Variants in TANC2 observed in about 807,000 individuals in gnomAD.
TANC2 encodes protein TANC2.
A neutral mutation model predicts 210.5 loss-of-function variants in TANC2; 26 were observed. The observed-to-expected ratio is 0.12, with a 90% CI of 0.09 to 0.17. TANC2 has a LOEUF of 0.17. Ranked by LOEUF, TANC2 falls within the 10% of genes least tolerant of loss-of-function variation. The probability of loss-of-function intolerance (pLI) is 1.00; values close to 1 mark genes in which losing one functional copy is unlikely to be tolerated. For missense variants in TANC2, 2,129 were observed against 2,608.9 expected, an observed-to-expected ratio of 0.82 and a Z score of 4.01; for synonymous variants, 931 against 967.1, an observed-to-expected ratio of 0.96 and a Z score of 0.69.
chr17:63,002,226 G>C (rs2033418784), intron 1 of TANC2, among the ~76,000 whole-genome samples: 1 of 152,144 alleles, frequency 6.6e-6, no homozygotes, highest in East Asian at 1.9e-4. Context: ...ACCTCTCTAG[G>C]GTAGAAGTAG....
chr17:63,256,312 T>TGA (rs775757155), intron 8 of TANC2, among the ~76,000 whole-genome samples: 2 of 152,216 alleles, frequency 1.3e-5, no homozygotes, highest in Non-Finnish European at 2.9e-5. Context: ...CATTTTAATT[T>TGA]GTTTCAAGAA....
At chr17:63,384,406 G>C (rs1266006738) in intron 15 of TANC2, among the ~76,000 whole-genome samples, 1 of 152,026 alleles carries the variant, frequency 6.6e-6, no homozygotes, top group Non-Finnish European at 1.5e-5. Context: ...CTAAGTGGTT[G>C]TGAGGATTTA....
chr17:63,147,928 T>C (rs990378195), intron 4 of TANC2, among the ~76,000 whole-genome samples: 3 of 152,238 alleles, frequency 2.0e-5, no homozygotes, highest in African/African-American at 7.2e-5. Context: ...CAAATCATGC[T>C]GAATCTGTGA....
At chr17:63,151,300 G>T in exon 5 of TANC2, 1 of 985,606 alleles carries the variant, frequency 1.0e-6, no homozygotes. Context: ...TTTGTTGAGA[G>T]CCCACGAATT....
At chr17:63,220,724 A>G (rs1385828073) in intron 7 of TANC2, among the ~76,000 whole-genome samples, 1 of 142,280 alleles carries the variant, frequency 7.0e-6, no homozygotes, top group African/African-American at 2.7e-5. Flanking sequence ...AAAAAAATAT[A>G]TATATATATA....
At chr17:63,215,599 A>C (rs2042003577) in intron 7 of TANC2, among the ~76,000 whole-genome samples, 1 of 152,186 alleles carries the variant, frequency 6.6e-6, no homozygotes, top group African/African-American at 2.4e-5. Context: ...CCTCCATTTT[A>C]AAAACACCCT....
exon 28 of TANC2, chr17:63,423,657 A>C (rs560794237): frequency 1.3e-5 from 2 of 152,342 alleles, no homozygotes; most frequent in East Asian, 1.9e-4. Context: ...ATTAAGACAC[A>C]GGGAGCATGA....
intron 25 of TANC2, among the ~76,000 whole-genome samples, chr17:63,413,944 T>G (rs772954765): frequency 2.8e-4 from 43 of 152,190 alleles, no homozygotes; most frequent in Non-Finnish European, 5.4e-4. Context: ...CAAGTCAAAG[T>G]AAAATTATGT....
chr17:63,380,307 T>C (rs1205010742), intron 15 of TANC2, among the ~76,000 whole-genome samples: 1 of 152,188 alleles, frequency 6.6e-6, no homozygotes, highest in Non-Finnish European at 1.5e-5. Context: ...TATATCCCAG[T>C]TTTTCTCCCA....
chr17:63,119,554 T>G (rs1435882204), intron 4 of TANC2, among the ~76,000 whole-genome samples: 2 of 152,250 alleles, frequency 1.3e-5, no homozygotes. Context: ...ATTCACATTT[T>G]AACTATTGCT....
At chr17:63,209,276 G>A (rs1166427667) in intron 7 of TANC2, among the ~76,000 whole-genome samples, 3 of 151,848 alleles carry the variant, frequency 2.0e-5, no homozygotes, top group African/African-American at 7.3e-5. Flanking sequence ...GCCTCCAAAA[G>A]TGCTGGGATT....
At chr17:63,349,578 C>G (rs922648229) in intron 12 of TANC2, among the ~76,000 whole-genome samples, 2 of 152,150 alleles carry the variant, frequency 1.3e-5, no homozygotes, top group African/African-American at 4.8e-5. Context: ...ATATTCCCAC[C>G]ATACACAATT....
chr17:62,997,762 T>C (rs1298738004), intron 1 of TANC2, among the ~76,000 whole-genome samples: 1 of 152,216 alleles, frequency 6.6e-6, no homozygotes, highest in African/African-American at 2.4e-5. Flanking sequence ...AATTTATTTA[T>C]TTGGCATAGT....
rs1321094563 is a variant in TANC2, at chr17:63,055,979, AAAAAAAAAAAAATATATATATAT to A, written c.68-17962_68-17940del. 8.8e-4 allele frequency among the ~76,000 whole-genome samples: 37 copies of A among 42,128 alleles called. 1 individual carries two copies. Among genetic ancestry groups the A allele is most frequent in the South Asian group, 2.6e-3 (2 of 776 alleles). 27.6% of individuals were successfully genotyped at this position (42,128 alleles called of 152,430 possible). A position where few individuals can be genotyped will look rare whatever the true frequency, so the allele number is the denominator to read the frequency against. On this transcript the variant is annotated intron_variant, in intron 2 of 27. Coordinates refer to ENST00000689528, the Ensembl canonical transcript of TANC2. ...CTCATCTCTACCAAAAAAAAAAAAA[AAAAAAAAAAAAATATATATATAT>A]ATATATATATATATATATATATGCC... is the stretch of plus-strand genomic sequence containing the variant.
At chr17:63,021,392 C>G (rs1375262999) in intron 2 of TANC2, among the ~76,000 whole-genome samples, 2 of 152,138 alleles carry the variant, frequency 1.3e-5, no homozygotes, top group Non-Finnish European at 2.9e-5. Flanking sequence ...TAATGTCTTT[C>G]TTGTGAGACT....
intron 12 of TANC2, among the ~76,000 whole-genome samples, chr17:63,341,717 A>G (rs578018446): frequency 6.6e-6 from 1 of 152,354 alleles, no homozygotes; most frequent in East Asian, 1.9e-4. Flanking sequence ...CAGTCTCTCC[A>G]GTCTTCTAGA....
chr17:63,143,795 TTTTCATTATTAGGAG>T (rs2039372327), intron 4 of TANC2, among the ~76,000 whole-genome samples: 1 of 152,146 alleles, frequency 6.6e-6, no homozygotes, highest in Admixed American at 6.5e-5. Context: ...TTTTGTTTTA[TTTTCATTATTAGGAG>T]TTAGTATAAA....
At chr17:63,086,510 T>C (rs2036970551) in intron 3 of TANC2, among the ~76,000 whole-genome samples, 1 of 152,230 alleles carries the variant, frequency 6.6e-6, no homozygotes, top group African/African-American at 2.4e-5. Flanking sequence ...ATTTCTATTC[T>C]AATGTTTTTG....
intron 2 of TANC2, among the ~76,000 whole-genome samples, chr17:63,055,115 G>T (rs988646212): frequency 2.2e-4 from 33 of 152,072 alleles, no homozygotes; most frequent in African/African-American, 7.7e-4. Context: ...ATTTTTCTTG[G>T]ACTTATTTAT....
Sources: allele counts gnomAD v4.1 joint callset (sites outside exome capture counted in the v4.1 genomes callset), GRCh38; gene constraint gnomAD v4.1.1; transcripts MANE v1.5; gene names NCBI Gene and HGNC (gene_info 2026-07-23, HGNC 2026-07-21).